Variants in B4GALNT3 observed in about 807,000 individuals in gnomAD.
The protein encoded by B4GALNT3 is beta-1,4-N-acetyl-galactosaminyltransferase 3, also known as beta-1,4-N-acetylgalactosaminyltransferase 3.
A neutral mutation model predicts 120.2 loss-of-function variants in B4GALNT3; 86 were observed. That is an observed-to-expected ratio of 0.72 (90% confidence interval 0.60 to 0.86). The LOEUF (loss-of-function observed/expected upper bound fraction) is 0.86. Ranked by LOEUF, B4GALNT3 falls within the 40% of genes least tolerant of loss-of-function variation. The pLI, the probability that B4GALNT3 is intolerant of heterozygous loss-of-function variation, is 0.00. For synonymous variants in B4GALNT3, 518 were observed against 510.4 expected (o/e 1.01, Z -0.20); for missense variants, 1,167 against 1,298.9 (o/e 0.90, Z 1.56).
chr12:544,302 C>G lies in B4GALNT3; in HGVS notation c.352-37C>G, dbSNP rs149117458. ...GAGGATCTGGGGCGGGCATGGGGTG[C>G]TCACGCTCACTCACCACTGGCGTCT... On this transcript the variant is annotated intron_variant, in intron 3 of 19. Coordinates refer to ENST00000266383, the MANE Select transcript of B4GALNT3 (RefSeq NM_173593.4). 3.8e-6 allele frequency: 6 copies of G among 1,599,520 alleles called. No individual in the cohort carries two copies. The Admixed American group carries it at 6.7e-5, about 18-fold the overall frequency.
rs200845116 is a variant in B4GALNT3, at chr12:489,326, TA to T, written c.169+28796del. 9.3e-3 allele frequency among the ~76,000 whole-genome samples: 1,046 copies of T among 112,600 alleles called. 3 individuals carry two copies. The highest frequency in any genetic ancestry group is 0.013 in the Non-Finnish European group (673 of 51,912). The allele number at this position is 112,600 out of a possible 152,430, so 73.9% of individuals were successfully genotyped here. A position where few individuals can be genotyped will look rare whatever the true frequency, so the allele number is the denominator to read the frequency against. On this transcript the variant is annotated intron_variant, in intron 1 of 19. Coordinates refer to ENST00000266383, the MANE Select transcript of B4GALNT3 (RefSeq NM_173593.4). The stretch of plus-strand genomic sequence containing the variant: ...TGTTCTGCACATGTATCCCAGAACT[TA>T]AAAAAAAAAAAAAACCCACAAAATA...
rs575982589 is a variant in B4GALNT3, at chr12:530,383, G to A, written c.170-4783G>A. Among the ~76,000 whole-genome samples, 3 of 152,362 alleles carry A rather than the reference G, an allele frequency of 2.0e-5. No homozygotes were observed. The East Asian group carries it at 5.8e-4, about 29-fold the overall frequency. ...TGCTTTGAAGGGTTTTAGCCCTGGAGTGGAGTTGGGAGGCTCAGGCCTGCA... is the reference window on the plus strand; with the variant it reads ...TGCTTTGAAGGGTTTTAGCCCTGGAATGGAGTTGGGAGGCTCAGGCCTGCA... On this transcript the variant is annotated intron_variant, in intron 1 of 19. Transcript: ENST00000266383.
chr12:523,574 G>A (rs1036621978), intron 1 of B4GALNT3, among the ~76,000 whole-genome samples: 1 of 152,196 alleles, frequency 6.6e-6, no homozygotes, highest in African/African-American at 2.4e-5. Flanking sequence ...CTGAGCTGTG[G>A]TGCACGAAGT....
chr12:526,434 C>T (rs1000229973), intron 1 of B4GALNT3, among the ~76,000 whole-genome samples: 1 of 152,320 alleles, frequency 6.6e-6, no homozygotes, highest in East Asian at 1.9e-4. Context: ...ACAAGCCTAG[C>T]GGGTTCAGAA....
intron 14 of B4GALNT3, among the ~76,000 whole-genome samples, chr12:556,046 A>G (rs11612045): frequency 0.07 from 10,574 of 151,860 alleles, 900 homozygotes; most frequent in Admixed American, 0.24. Flanking sequence ...GCCTCCCAAA[A>G]TGCTGGGATT....
rs182386671 is a variant in B4GALNT3 at position 541,244 on chromosome 12, G to A, written c.352-3095G>A. On this transcript the variant is annotated intron_variant, in intron 3 of 19. Transcript: ENST00000266383. ...GCACGATGCCCTCCCCTCTCCCAAG[G>A]GTTACTTGCTGTGTGTCCTTGGGGA... 1.5e-3 allele frequency among the ~76,000 whole-genome samples: 232 copies of A among 152,328 alleles called. 2 individuals are homozygous for A. In the Middle Eastern group the frequency reaches 0.034, roughly 22 times the overall value.
intron 5 of B4GALNT3, 30 bp from the exon 6 acceptor site, chr12:545,339 C>T (rs763500109): frequency 6.3e-7 from 1 of 1,592,432 alleles, no homozygotes. Context: ...CCCTCCTTGC[C>T]CTCATCTGGA....
At chr12:506,692 A>G (rs943021193) in intron 1 of B4GALNT3, among the ~76,000 whole-genome samples, 3 of 151,932 alleles carry the variant, frequency 2.0e-5, no homozygotes, top group African/African-American at 7.3e-5. Flanking sequence ...GCTGGAGTGC[A>G]GTGGCGCGGT....
chr12:523,741 T>C (rs1184214768), intron 1 of B4GALNT3, among the ~76,000 whole-genome samples: 1 of 152,130 alleles, frequency 6.6e-6, no homozygotes, highest in Non-Finnish European at 1.5e-5. Context: ...AAGAATAAAC[T>C]AAGAATGTGA....
At position 460,867 on chromosome 12, in the gene B4GALNT3, G is replaced by A. The variant is rs1056145026; in HGVS notation, c.169+322G>A. Among the ~76,000 whole-genome samples the A allele has an allele frequency of 6.6e-6, 1 of 152,124 alleles. No homozygotes were observed. The highest frequency in any genetic ancestry group is 1.5e-5 in the Non-Finnish European group (1 of 68,006). On this transcript the variant is annotated intron_variant, in intron 1 of 19. Coordinates refer to ENST00000266383, the MANE Select transcript of B4GALNT3 (RefSeq NM_173593.4). This position sits in a 1 kb window ranked among gnomAD's most constrained non-coding sequence, Gnocchi z 8.0. ...CCCGCCGAGACGCTGGCGGAGACCGGGCCCCTCCAGCCGCTCCGGGCTTGC... is the reference window on the plus strand; with the variant it reads ...CCCGCCGAGACGCTGGCGGAGACCGAGCCCCTCCAGCCGCTCCGGGCTTGC...
At chr12:553,014 CTG>C in intron 13 of B4GALNT3, 178 bp from the exon 14 acceptor site, 3 of 790,132 alleles carry the variant, frequency 3.8e-6, no homozygotes, top group South Asian at 3.5e-5. Flanking sequence ...GATGAAGAAA[CTG>C]GGGTTAATTG....
intron 17 of B4GALNT3, 101 bp from the exon 18 acceptor site, chr12:558,407 T>G: frequency 8.8e-7 from 1 of 1,133,072 alleles, no homozygotes; most frequent in South Asian, 1.4e-5. Context: ...AGTTTGTGAA[T>G]CACTCCAATA....
chr12:513,550 G>A (rs1224430606), intron 1 of B4GALNT3, among the ~76,000 whole-genome samples: 2 of 152,190 alleles, frequency 1.3e-5, no homozygotes, highest in Admixed American at 6.5e-5. Context: ...GTGGGTTTTA[G>A]CCGGCTTCTT....
At chr12:525,086 T>TTTTTTTTATTTATTTA (rs1555156518) in intron 1 of B4GALNT3, among the ~76,000 whole-genome samples, 1 of 130,530 alleles carries the variant, frequency 7.7e-6, no homozygotes, top group Admixed American at 9.1e-5. Context: ...AATAACACAA[T>TTTTTTTTATTTATTTA]TTTATTTATT....
At chr12:475,740 A>G (rs1294880973) in intron 1 of B4GALNT3, among the ~76,000 whole-genome samples, 1 of 152,164 alleles carries the variant, frequency 6.6e-6, no homozygotes, top group African/African-American at 2.4e-5. Flanking sequence ...GAAACTTACA[A>G]TTGATCACTG....
chr12:496,825 T>A (rs1361900800), intron 1 of B4GALNT3, among the ~76,000 whole-genome samples: 1 of 152,220 alleles, frequency 6.6e-6, no homozygotes, highest in Admixed American at 6.5e-5. Flanking sequence ...CTTCTTTCAC[T>A]TAGCATGACG....
Position 557,957 on chromosome 12 carries a change from C to T in B4GALNT3, c.2535-59C>T, listed in dbSNP as rs1477638226. 1.4e-5 allele frequency: 22 copies of T among 1,578,282 alleles called. No homozygotes were observed. The Admixed American group carries it at 3.2e-4, about 23-fold the overall frequency. On this transcript the variant is annotated intron_variant, in intron 16 of 19. Coordinates refer to ENST00000266383, the MANE Select transcript of B4GALNT3 (RefSeq NM_173593.4). ...ATCTCTCTTCTATGCCTGCCAACTTCCTCCAGGGGACCACCGCAGCTGAGT... is the reference window on the plus strand; with the variant it reads ...ATCTCTCTTCTATGCCTGCCAACTTTCTCCAGGGGACCACCGCAGCTGAGT...
chr12:553,000 T>C, intron 13 of B4GALNT3, 194 bp from the exon 14 acceptor site: 1 of 718,818 alleles, frequency 1.4e-6, no homozygotes, highest in Non-Finnish European at 2.3e-6. Context: ...ATTCCCTTTA[T>C]GCAGATGAAG....
At chr12:512,508 T>C (rs1158343623) in intron 1 of B4GALNT3, among the ~76,000 whole-genome samples, 5 of 126,870 alleles carry the variant, frequency 3.9e-5, no homozygotes, top group South Asian at 3.1e-4. Context: ...TTCTACCTTC[T>C]GCCTTCCACC....
Sources: allele counts gnomAD v4.1 joint callset (sites outside exome capture counted in the v4.1 genomes callset), GRCh38; gene constraint gnomAD v4.1.1; non-coding constraint Gnocchi (gnomAD v3.1); transcripts MANE v1.5; gene names NCBI Gene and HGNC (gene_info 2026-07-23, HGNC 2026-07-21).